Variants in MAT2B observed in about 807,000 individuals in gnomAD.
The protein encoded by MAT2B is methionine adenosyltransferase 2 subunit beta.
A neutral mutation model predicts 36.1 loss-of-function variants in MAT2B; 16 were observed. The observed-to-expected ratio is 0.44, with a 90% CI of 0.30 to 0.67. The LOEUF is 0.67. MAT2B is among the 30% of genes least tolerant of loss of function. The probability of loss-of-function intolerance (pLI) is 0.09; values close to 1 mark genes in which losing one functional copy is unlikely to be tolerated. For synonymous variants in MAT2B, 148 were observed against 136.9 expected (o/e 1.08, Z -0.57); for missense variants, 332 against 398.2 (o/e 0.83, Z 1.42).
intron 1 of MAT2B, 113 bp downstream of exon 1, chr5:163,505,862 C>A (rs1759926311): frequency 3.6e-6 from 3 of 823,662 alleles, no homozygotes; most frequent in Admixed American, 8.6e-5. Flanking sequence ...AGCCTCCGGC[C>A]GGGAGTGGTC....
upstream of MAT2B, among the ~76,000 whole-genome samples, chr5:163,504,346 G>T (rs1759894506): frequency 6.6e-6 from 1 of 150,980 alleles, no homozygotes; most frequent in African/African-American, 2.4e-5. Flanking sequence ...AAAAAAATCG[G>T]AACATAAGAA....
At chr5:163,513,502 A>G (rs1387737493) in intron 2 of MAT2B, 53 bp from the exon 3 acceptor site, 3 of 1,016,780 alleles carry the variant, frequency 3.0e-6, no homozygotes, top group Admixed American at 1.9e-5. Flanking sequence ...GAAGGCTGTA[A>G]TACCTCTTTC....
At chr5:163,513,718 G>A (rs749092287) in intron 3 of MAT2B, 49 bp downstream of exon 3, 1 of 1,545,452 alleles carries the variant, frequency 6.5e-7, no homozygotes, top group Admixed American at 1.8e-5. Context: ...TGATTGCTGA[G>A]TTTTTAGAAA....
intron 4 of MAT2B, 128 bp from the exon 5 acceptor site, chr5:163,516,390 C>G: frequency 1.4e-6 from 1 of 714,196 alleles, no homozygotes; most frequent in Non-Finnish European, 2.3e-6. Context: ...TGAGCTGTGT[C>G]ATTTTGGTAT....
chr5:163,512,687 G>A (rs1010441726), intron 2 of MAT2B: 1 of 454,120 alleles, frequency 2.2e-6, no homozygotes, highest in South Asian at 1.6e-5. Context: ...CTTCTGTTTT[G>A]TTCTTGTTTT....
Position 163,518,469 on chromosome 5 carries a change from CTT to C in MAT2B, c.*107_*108del. ...TTGTATGAGTACTTTAATTGTGACTCTTAGGATCTTTCAGGTAAATGATGCTC... is the reference window on the plus strand; with the variant it reads ...TTGTATGAGTACTTTAATTGTGACTCAGGATCTTTCAGGTAAATGATGCTC... On this transcript the variant is annotated 3_prime_UTR_variant, in exon 7 of 7. Coordinates refer to ENST00000321757, the MANE Select transcript of MAT2B (RefSeq NM_013283.5). 2.3e-6 allele frequency: 2 copies of C among 888,346 alleles called. No homozygotes were observed. Among genetic ancestry groups the C allele is most frequent in the Non-Finnish European group, 3.3e-6 (2 of 610,800 alleles). 55.0% of individuals were successfully genotyped at this position (888,346 alleles called of 1,614,324 possible). A position where few individuals can be genotyped will look rare whatever the true frequency, so the allele number is the denominator to read the frequency against.
upstream of MAT2B, among the ~76,000 whole-genome samples, chr5:163,504,442 G>A (rs1310582923): frequency 1.3e-5 from 2 of 152,214 alleles, no homozygotes. Context: ...GGTTGAGGAG[G>A]AAGGAAAGTC....
chr5:163,510,394 C>CTTTT lies in MAT2B; in HGVS notation c.64-1593_64-1590dup, dbSNP rs1270371144. Among the ~76,000 whole-genome samples the CTTTT allele has an allele frequency of 4.5e-3, 546 of 121,738 alleles. 34 individuals are homozygous for CTTTT. The highest frequency in any genetic ancestry group is 0.015 in the African/African-American group (460 of 30,182). The allele number at this position is 121,738 out of a possible 152,430, so 79.9% of individuals were successfully genotyped here. A position where few individuals can be genotyped will look rare whatever the true frequency, so the allele number is the denominator to read the frequency against. ...TATCCTTTGCGTTTATTAGTTTTAG[C>CTTTT]TTTTTTTTTTTTTTTTTTGAGATGT... On this transcript the variant is annotated intron_variant, in intron 1 of 6. Coordinates refer to ENST00000321757, the MANE Select transcript of MAT2B (RefSeq NM_013283.5).
chr5:163,507,103 C>G (rs1759959192), intron 1 of MAT2B, among the ~76,000 whole-genome samples: 1 of 151,976 alleles, frequency 6.6e-6, no homozygotes, highest in Non-Finnish European at 1.5e-5. Flanking sequence ...GGGTCTGTTT[C>G]TGGGGAATTA....
Position 163,517,600 on chromosome 5 carries a change from G to A in MAT2B, c.760G>A (p.Glu254Lys). ...IKGTFHWSGNEQMTKYEMACA... is the reference protein window; with the variant it reads ...IKGTFHWSGNKQMTKYEMACA... Reference sequence around the variant, plus strand: ...GGGAACCTTTCACTGGTCTGGCAATGAACAGATGACTAAGTATGAAATGGC... The same window carrying A: ...GGGAACCTTTCACTGGTCTGGCAATAAACAGATGACTAAGTATGAAATGGC... Residue 254 changes from glutamate to lysine, a missense_variant, in exon 6 of 7, where the codon GAA becomes AAA. Glu to Lys is a moderately conservative substitution (Grantham distance 56). Transcript: ENST00000321757. The A allele has an allele frequency of 6.2e-7, 1 of 1,613,716 alleles. No individual in the cohort carries two copies. The highest frequency in any genetic ancestry group is 2.2e-5 in the East Asian group (1 of 44,850).
At chr5:163,508,867 G>A (rs982329220) in intron 1 of MAT2B, among the ~76,000 whole-genome samples, 1 of 152,180 alleles carries the variant, frequency 6.6e-6, no homozygotes, top group Non-Finnish European at 1.5e-5. Flanking sequence ...AGCATTTACT[G>A]AAATGGAAAT....
chr5:163,512,398 T>C (rs964238097), intron 2 of MAT2B: 2 of 588,362 alleles, frequency 3.4e-6, no homozygotes, highest in African/African-American at 3.7e-5. Flanking sequence ...AAGACAAATA[T>C]GAGACATTTT....
chr5:163,513,309 G>T (rs1437836705), intron 2 of MAT2B: 2 of 354,862 alleles, frequency 5.6e-6, no homozygotes, highest in East Asian at 5.1e-5. Context: ...GTTGTTGACA[G>T]TTTTTTTCCT....
At chr5:163,512,267 C>A in intron 2 of MAT2B, 71 bp downstream of exon 2, 2 of 1,314,996 alleles carry the variant, frequency 1.5e-6, no homozygotes, top group African/African-American at 1.4e-5. Flanking sequence ...AGAAACTATC[C>A]TTGCTCTCAA....
intron 1 of MAT2B, 107 bp downstream of exon 1, chr5:163,505,856 T>A: frequency 1.1e-6 from 1 of 909,250 alleles, no homozygotes; most frequent in Non-Finnish European, 1.5e-6. Context: ...GGTCAGAGCC[T>A]CCGGCCGGGA....
intron 1 of MAT2B, among the ~76,000 whole-genome samples, chr5:163,507,388 CTTAA>C (rs1759965134): frequency 6.6e-6 from 1 of 152,136 alleles, no homozygotes; most frequent in South Asian, 2.1e-4. Context: ...TTTATATGTA[CTTAA>C]TTTTTCAAGA....
intron 2 of MAT2B, 50 bp downstream of exon 2, chr5:163,512,246 C>T: frequency 1.4e-6 from 2 of 1,434,958 alleles, no homozygotes; most frequent in Non-Finnish European, 2.0e-6. Flanking sequence ...TAAGAGTTGT[C>T]TGGATGATAC....
In MAT2B at chr5:163,513,881, A is replaced by C. The variant is rs749604570; in HGVS notation, c.413A>C (p.Tyr138Ser). 1 of 1,612,900 alleles carries C rather than the reference A, an allele frequency of 6.2e-7. No individual in the cohort carries two copies. Among genetic ancestry groups the C allele is most frequent in the Non-Finnish European group, 8.5e-7 (1 of 1,179,554 alleles). ...TTTCTCATCTACATTAGCTCAGATT[A>C]TGTATTTGATGGAACAAATCCACCT... ...GAFLIYISSDYVFDGTNPPYR... is the reference protein window; with the variant it reads ...GAFLIYISSDSVFDGTNPPYR... The change falls in exon 4 of 7, where the codon TAT (tyrosine) becomes TCT (serine). Residue 138 changes from tyrosine (Y) to serine (S), a missense_variant. Tyr to Ser is a moderately radical substitution (Grantham distance 144). Coordinates refer to ENST00000321757, the MANE Select transcript of MAT2B (RefSeq NM_013283.5).
At chr5:163,504,915 T>C (rs1403566662), upstream of MAT2B, among the ~76,000 whole-genome samples, 1 of 152,172 alleles carries the variant, frequency 6.6e-6, no homozygotes, top group Admixed American at 6.5e-5. Context: ...GTTAAACCCA[T>C]TAAGAAGTCG....
Sources: allele counts gnomAD v4.1 joint callset (sites outside exome capture counted in the v4.1 genomes callset), GRCh38; gene constraint gnomAD v4.1.1; transcripts MANE v1.5; gene names NCBI Gene and HGNC (gene_info 2026-07-23, HGNC 2026-07-21).